DAB2IP: variants seen among roughly 807,000 people sequenced by gnomAD.
DAB2IP encodes DAB2 interacting protein, also known as disabled homolog 2-interacting protein.
In DAB2IP, 28 loss-of-function variants were observed where a neutral mutation model predicts 107.2. That is an observed-to-expected ratio of 0.26 (90% CI 0.19 to 0.36). The LOEUF is 0.36. Ranked by LOEUF, DAB2IP falls within the 10% of genes least tolerant of loss-of-function variation. The pLI, the probability that DAB2IP is intolerant of heterozygous loss-of-function variation, is 1.00. For synonymous variants in DAB2IP, 755 were observed against 706.4 expected (o/e 1.07, Z -1.09); for missense variants, 1,400 against 1,644.7 (o/e 0.85, Z 2.57).
intron 1 of DAB2IP, among the ~76,000 whole-genome samples, chr9:121,660,422 C>T (rs922830974): frequency 3.9e-5 from 6 of 152,160 alleles, no homozygotes; most frequent in Non-Finnish European, 4.4e-5. Context: ...AACCCTCAAG[C>T]TAGACTGGTA....
intron 1 of DAB2IP, among the ~76,000 whole-genome samples, chr9:121,616,209 C>T (rs1026722102): frequency 2.0e-5 from 3 of 152,146 alleles, no homozygotes; most frequent in Non-Finnish European, 4.4e-5. Flanking sequence ...GAGGGAGGGG[C>T]GGGAAGGCTG....
chr9:121,690,304 G>T (rs966497958), intron 2 of DAB2IP, among the ~76,000 whole-genome samples: 2 of 148,888 alleles, frequency 1.3e-5, no homozygotes, highest in South Asian at 4.2e-4. Context: ...GCCCCGGGAG[G>T]ACTGGCTGGG....
intron 1 of DAB2IP, among the ~76,000 whole-genome samples, chr9:121,571,727 T>C (rs1829947149): frequency 6.6e-6 from 1 of 152,152 alleles, no homozygotes; most frequent in Non-Finnish European, 1.5e-5. Context: ...ACTGAAGTTC[T>C]GGAGGCCTAA....
At chr9:121,641,600 T>C (rs1471710149) in intron 1 of DAB2IP, among the ~76,000 whole-genome samples, 1 of 152,214 alleles carries the variant, frequency 6.6e-6, no homozygotes, top group African/African-American at 2.4e-5. Flanking sequence ...ATCCATTCAT[T>C]CATTCACCGA....
rs970730426 is a variant in DAB2IP at position 121,635,010 on chromosome 9, G to A, written c.41-43668G>A. Among the ~76,000 whole-genome samples the A allele has an allele frequency of 5.3e-5, 8 of 152,158 alleles. No individual in the cohort carries two copies. Among genetic ancestry groups the A allele is most frequent in the African/African-American group, 1.9e-4 (8 of 41,442 alleles). ...GTGCGGCCCACCCAGCCTCAGACCTGTGTATATGTGTGTGTGTGTGCGCGT... is the reference window on the plus strand; with the variant it reads ...GTGCGGCCCACCCAGCCTCAGACCTATGTATATGTGTGTGTGTGTGCGCGT... On this transcript the variant is annotated intron_variant, in intron 1 of 16. Coordinates refer to the DAB2IP transcript ENST00000259371. This position sits in a 1 kb window ranked among gnomAD's most constrained non-coding sequence, Gnocchi z 4.3.
intron 1 of DAB2IP, among the ~76,000 whole-genome samples, chr9:121,632,160 A>G (rs1475858093): frequency 6.6e-6 from 1 of 152,170 alleles, no homozygotes; most frequent in Non-Finnish European, 1.5e-5. Flanking sequence ...GCGGGTTACT[A>G]GCTGCGTGGC....
chr9:121,630,823 G>T (rs1831850725), intron 1 of DAB2IP, among the ~76,000 whole-genome samples: 1 of 152,072 alleles, frequency 6.6e-6, no homozygotes, highest in Non-Finnish European at 1.5e-5. Context: ...GGCCAGGCTG[G>T]TCTCGAACTC....
At chr9:121,614,220 G>A (rs1260936179) in intron 1 of DAB2IP, among the ~76,000 whole-genome samples, 1 of 151,712 alleles carries the variant, frequency 6.6e-6, no homozygotes, top group African/African-American at 2.4e-5. Flanking sequence ...TCCTCATCGT[G>A]TTCTTTACCC....
intron 2 of DAB2IP, among the ~76,000 whole-genome samples, chr9:121,680,335 G>A (rs951384066): frequency 6.6e-6 from 1 of 152,340 alleles, no homozygotes; most frequent in East Asian, 1.9e-4. Flanking sequence ...TCAGTCCACT[G>A]GGCCAGGGCA....
At position 121,772,548 on chromosome 9, in the gene DAB2IP, G is replaced by A. The variant is rs1834838365; in HGVS notation, c.2079-59G>A. 8 of 1,554,344 alleles carry A rather than the reference G, an allele frequency of 5.1e-6. No individual in the cohort carries two copies. The South Asian group carries it at 9.9e-5, about 19-fold the overall frequency. ...GTGCTGTCGGTTTGGACCCGCCTTGGCTGCACTCACAGTTCTTCTTTTCCC... is the reference window on the plus strand; with the variant it reads ...GTGCTGTCGGTTTGGACCCGCCTTGACTGCACTCACAGTTCTTCTTTTCCC... On this transcript the variant is annotated intron_variant, in intron 11 of 15. Coordinates refer to ENST00000408936, the Ensembl canonical transcript of DAB2IP. This position sits in a 1 kb window ranked among gnomAD's most constrained non-coding sequence, Gnocchi z 4.7.
chr9:121,666,953 G>C (rs1329230317), intron 1 of DAB2IP, among the ~76,000 whole-genome samples: 1 of 150,854 alleles, frequency 6.6e-6, no homozygotes, highest in Non-Finnish European at 1.5e-5. Context: ...GCATAAGCTG[G>C]ACAGCTCTTC....
intron 14 of DAB2IP, among the ~76,000 whole-genome samples, chr9:121,779,814 C>G (rs1835467374): frequency 6.6e-6 from 1 of 152,224 alleles, no homozygotes; most frequent in African/African-American, 2.4e-5. Flanking sequence ...GGGGAACCCC[C>G]ACTCGGGAGC....
At chr9:121,780,955 G>T (rs1290160826) in intron 14 of DAB2IP, among the ~76,000 whole-genome samples, 1 of 152,190 alleles carries the variant, frequency 6.6e-6, no homozygotes, top group East Asian at 1.9e-4. Context: ...TTCCACTAGC[G>T]CAGCTGCTCC....
intron 1 of DAB2IP, among the ~76,000 whole-genome samples, chr9:121,623,381 G>T (rs751522394): frequency 4.0e-4 from 61 of 152,090 alleles, no homozygotes; most frequent in Non-Finnish European, 7.8e-4. Flanking sequence ...TTCTTTTGGT[G>T]GGGGGAATAG....
intron 3 of DAB2IP, among the ~76,000 whole-genome samples, chr9:121,717,984 G>A (rs1418640361): frequency 6.6e-6 from 1 of 152,142 alleles, no homozygotes; most frequent in East Asian, 1.9e-4. Flanking sequence ...CTTCTGTCTC[G>A]ATGGCTTTCC....
In DAB2IP at chr9:121,655,336, C is replaced by G. The variant is rs76158864; in HGVS notation, c.124+3437C>G. Among the ~76,000 whole-genome samples the G allele has an allele frequency of 4.6e-5, 7 of 152,230 alleles. No homozygotes were observed. In the East Asian group the frequency reaches 1.4e-3, roughly 29 times the overall value. On this transcript the variant is annotated intron_variant, in intron 1 of 15. Coordinates refer to ENST00000408936, the Ensembl canonical transcript of DAB2IP. ...ATCAAGAAAAGTTTTGTCTCTGACC[C>G]CTGTGTTTCCCCAGGGCTGCTAGGA...
rs1481977078 is a variant in DAB2IP, at chr9:121,736,320, G to A, written c.363-20693G>A. Among the ~76,000 whole-genome samples, 1 of 152,196 alleles carries A rather than the reference G, an allele frequency of 6.6e-6. No individual in the cohort carries two copies. The highest frequency in any genetic ancestry group is 1.5e-5 in the Non-Finnish European group (1 of 68,032). On this transcript the variant is annotated intron_variant, in intron 3 of 15. Coordinates refer to ENST00000408936, the Ensembl canonical transcript of DAB2IP. The surrounding 1 kb of genome is among the most constrained non-coding windows in gnomAD (Gnocchi z 4.6). ...GAGAGCCGGGCCGCGGGCAAGTGAG[G>A]GGCTGGCGGGGCCGGTGGGGACCCA... is the stretch of plus-strand genomic sequence containing the variant.
chr9:121,750,139 T>C (rs932258492), intron 3 of DAB2IP, among the ~76,000 whole-genome samples: 1 of 152,200 alleles, frequency 6.6e-6, no homozygotes, highest in Non-Finnish European at 1.5e-5. Context: ...TGTGTCGTTA[T>C]CCTCACTACG....
At chr9:121,672,105 T>C (rs976300879) in intron 1 of DAB2IP, among the ~76,000 whole-genome samples, 8 of 152,238 alleles carry the variant, frequency 5.3e-5, no homozygotes, top group African/African-American at 9.6e-5. Context: ...TCTAGACTGG[T>C]TTCTTTTTCA....
Sources: gnomAD v4.1 joint callset for allele counts (sites outside exome capture counted in the v4.1 genomes callset) on GRCh38, gnomAD v4.1.1 for gene constraint, Gnocchi (gnomAD v3.1) non-coding constraint, MANE v1.5 for transcripts, NCBI Gene and HGNC (gene_info 2026-07-23, HGNC 2026-07-21) for gene names.